RBM20: variants seen among roughly 807,000 people sequenced by gnomAD.
The protein encoded by RBM20 is RNA binding motif protein 20.
A neutral mutation model predicts 110.1 loss-of-function variants in RBM20; 51 were observed. The ratio of observed to expected loss-of-function variants is 0.46; its 90% CI spans 0.37 to 0.59. The LOEUF (loss-of-function observed/expected upper bound fraction) is 0.59, where lower values mean the gene tolerates loss of function less well. Among genes scored for constraint, RBM20 ranks in the 20% least tolerant of loss-of-function variants. RBM20 has a pLI of 0.00. For missense variants in RBM20, 1,512 were observed against 1,574.9 expected, an observed-to-expected ratio of 0.96 and a Z score of 0.68; for synonymous variants, 589 against 618.2, an observed-to-expected ratio of 0.95 and a Z score of 0.70.
chr10:110,792,524 T>C (rs576761493), intron 5 of RBM20, among the ~76,000 whole-genome samples: 107 of 152,304 alleles, frequency 7.0e-4, no homozygotes, highest in Admixed American at 1.6e-3. Flanking sequence ...ACAAGCCAAC[T>C]TGGGCTTGGA....
intron 1 of RBM20, among the ~76,000 whole-genome samples, chr10:110,705,644 T>C (rs1044193357): frequency 6.6e-6 from 1 of 152,254 alleles, no homozygotes; most frequent in Non-Finnish European, 1.5e-5. Flanking sequence ...ACCATGCTTA[T>C]GAAAGCGTAA....
At chr10:110,816,718 C>A (rs1844845352) in intron 9 of RBM20, among the ~76,000 whole-genome samples, 1 of 152,170 alleles carries the variant, frequency 6.6e-6, no homozygotes. Flanking sequence ...TAGAGGAGGG[C>A]TTGGCACAGA....
At chr10:110,672,471 T>G (rs1398179096) in intron 1 of RBM20, among the ~76,000 whole-genome samples, 1 of 152,254 alleles carries the variant, frequency 6.6e-6, no homozygotes, top group East Asian at 1.9e-4. Flanking sequence ...CTCTCCGGGC[T>G]GCTGCCGTCC....
In RBM20 at chr10:110,746,317, T is replaced by C. The variant is rs150934311; in HGVS notation, c.192-34484T>C. 2.2e-3 allele frequency among the ~76,000 whole-genome samples: 342 copies of C among 152,306 alleles called. 1 individual carries two copies. Among genetic ancestry groups the C allele is most frequent in the African/African-American group, 7.6e-3 (315 of 41,560 alleles). On this transcript the variant is annotated intron_variant, in intron 1 of 13. Coordinates refer to ENST00000369519, the MANE Select transcript of RBM20 (RefSeq NM_001134363.3). ...AAGAGCCCAGCCCAGATTCAAAGGA[T>C]AGGGAAATAGACTCATGTCTTAATG...
chr10:110,730,127 T>A (rs1462310877), intron 1 of RBM20, among the ~76,000 whole-genome samples: 1 of 152,206 alleles, frequency 6.6e-6, no homozygotes, highest in Admixed American at 6.5e-5. Context: ...CCTTCTCTTT[T>A]TTAAGACTAG....
intron 1 of RBM20, among the ~76,000 whole-genome samples, chr10:110,707,110 A>C (rs1006775094): frequency 6.6e-6 from 1 of 152,210 alleles, no homozygotes; most frequent in Admixed American, 6.5e-5. Flanking sequence ...CTGCCAAGTG[A>C]TAAGGCTTTC....
Position 110,821,292 on chromosome 10 carries a change from T to G in RBM20, c.2673T>G (p.Ser891Arg), listed in dbSNP as rs772807779. The G allele has an allele frequency of 1.9e-6, 3 of 1,550,170 alleles. No homozygotes were observed. The South Asian group carries it at 3.6e-5, about 18-fold the overall frequency. Residue 891 changes from serine to arginine, a missense_variant, in exon 11 of 14, where the codon AGT (serine) becomes AGG (arginine). Ser to Arg is a moderately radical substitution (Grantham distance 110). Around this residue, in one of 3 missense-constraint regions of RBM20, gnomAD observed 1,149 missense variants for 1,169.4 expected, o/e 0.98. Transcript: ENST00000369519. Reference sequence around the variant, plus strand: ...TTGTACAGGAACAAGATTGGGAGAGTGAAAGTGAGGCAGAGGGGGAGAGCT... The same window carrying G: ...TTGTACAGGAACAAGATTGGGAGAGGGAAAGTGAGGCAGAGGGGGAGAGCT... ...TRTKKEQDWE[S>R]ESEAEGESWY...
At chr10:110,650,088 G>A (rs1056866955) in intron 1 of RBM20, among the ~76,000 whole-genome samples, 2 of 152,202 alleles carry the variant, frequency 1.3e-5, no homozygotes, top group African/African-American at 4.8e-5. Flanking sequence ...AGTCTTCAAA[G>A]TTTACACACA....
At chr10:110,703,010 T>G (rs867406005) in intron 1 of RBM20, among the ~76,000 whole-genome samples, 9 of 151,574 alleles carry the variant, frequency 5.9e-5, no homozygotes, top group East Asian at 3.9e-4. Context: ...TTTGTTTTTT[T>G]TTTTGGTTGG....
intron 1 of RBM20, among the ~76,000 whole-genome samples, chr10:110,759,396 G>A (rs181743236): frequency 6.6e-6 from 1 of 152,298 alleles, no homozygotes; most frequent in African/African-American, 2.4e-5. Flanking sequence ...GCTGTTTAGA[G>A]AGAATTTCAC....
At chr10:110,716,467 G>A (rs1398127683) in intron 1 of RBM20, among the ~76,000 whole-genome samples, 2 of 152,210 alleles carry the variant, frequency 1.3e-5, no homozygotes, top group African/African-American at 4.8e-5. Flanking sequence ...TGAAAGAGTA[G>A]GATTTGGGAT....
At chr10:110,711,942 G>C (rs1218107946) in intron 1 of RBM20, among the ~76,000 whole-genome samples, 1 of 152,064 alleles carries the variant, frequency 6.6e-6, no homozygotes, top group African/African-American at 2.4e-5. Flanking sequence ...GTAAGGTAAT[G>C]TGTTGTTGAT....
chr10:110,820,020 C>T, intron 9 of RBM20, 52 bp from the exon 10 acceptor site: 1 of 1,175,110 alleles, frequency 8.5e-7, no homozygotes, highest in Admixed American at 2.5e-5. Flanking sequence ...TTTTTCTTCT[C>T]CCTGTCACTG....
intron 1 of RBM20, among the ~76,000 whole-genome samples, chr10:110,723,586 A>G (rs1427796409): frequency 6.6e-6 from 1 of 152,194 alleles, no homozygotes; most frequent in Non-Finnish European, 1.5e-5. Flanking sequence ...TTCTTGCAGC[A>G]CTTATTATCA....
At chr10:110,707,213 A>G (rs1249446972) in intron 1 of RBM20, among the ~76,000 whole-genome samples, 2 of 152,250 alleles carry the variant, frequency 1.3e-5, no homozygotes, top group Non-Finnish European at 2.9e-5. Context: ...TTAGAAGTGT[A>G]TTAGAAAATC....
intron 1 of RBM20, among the ~76,000 whole-genome samples, chr10:110,767,578 G>C (rs183341344): frequency 0.14 from 21,265 of 151,072 alleles, 1,947 homozygotes; most frequent in Non-Finnish European, 0.2. Context: ...CAGACGGGGC[G>C]GTTGCCAGAC....
chr10:110,818,979 C>G (rs569049487), intron 9 of RBM20, among the ~76,000 whole-genome samples: 3 of 152,246 alleles, frequency 2.0e-5, no homozygotes, highest in Non-Finnish European at 4.4e-5. Context: ...AACCATGTAT[C>G]CCTGTCCAGT....
At chr10:110,672,472 G>A (rs1862275622) in intron 1 of RBM20, among the ~76,000 whole-genome samples, 1 of 152,258 alleles carries the variant, frequency 6.6e-6, no homozygotes, top group South Asian at 2.1e-4. Flanking sequence ...TCTCCGGGCT[G>A]CTGCCGTCCT....
intron 7 of RBM20, among the ~76,000 whole-genome samples, chr10:110,800,289 G>T (rs2135079688): frequency 6.6e-6 from 1 of 151,912 alleles, no homozygotes; most frequent in Middle Eastern, 3.4e-3. Flanking sequence ...TTCTTCTTCT[G>T]TCACCCCCTT....
Sources: gnomAD v4.1 joint callset for allele counts (sites outside exome capture counted in the v4.1 genomes callset) on GRCh38, gnomAD v4.1.1 for gene constraint, gnomAD v4.1.1 regional missense constraint, MANE v1.5 for transcripts, NCBI Gene and HGNC (gene_info 2026-07-23, HGNC 2026-07-21) for gene names.